Variants in MTA3 observed in about 807,000 individuals in gnomAD.
MTA3 encodes the protein metastasis-associated protein MTA3.
MTA3 carries 34 observed loss-of-function variants against 83.5 expected under a neutral mutation model. That is an observed-to-expected ratio of 0.41 (90% confidence interval 0.31 to 0.54). MTA3 has a LOEUF of 0.54. Among genes scored for constraint, MTA3 ranks in the 20% least tolerant of loss-of-function variants. The probability of loss-of-function intolerance (pLI) is 0.33; values close to 1 mark genes in which losing one functional copy is unlikely to be tolerated. For synonymous variants in MTA3, 303 were observed against 252.7 expected, an observed-to-expected ratio of 1.20 and a Z score of -1.89; for missense variants, 761 against 726.4, an observed-to-expected ratio of 1.05 and a Z score of -0.55.
intron 14 of MTA3, among the ~76,000 whole-genome samples, chr2:42,718,381 G>C (rs1192317528): frequency 6.6e-6 from 1 of 151,728 alleles, no homozygotes. Context: ...CCGAGTAGCT[G>C]GGATTACAGG....
rs963435116 is a variant in MTA3, at chr2:42,673,402, A to G, written c.703-8999A>G. On this transcript the variant is annotated intron_variant, in intron 8 of 16. Coordinates refer to ENST00000405094, the MANE Select transcript of MTA3 (RefSeq NM_001330442.2). ...ATTTTTGCTTTGTTTTGTTTTTTAC[A>G]ATGGGTTTATCAGGGTATTAAATGC... 2.0e-5 allele frequency among the ~76,000 whole-genome samples: 3 copies of G among 152,264 alleles called. No individual in the cohort carries two copies. The East Asian group carries it at 5.8e-4, about 29-fold the overall frequency.
At chr2:42,570,112 A>G (rs1436540381) in intron 1 of MTA3, among the ~76,000 whole-genome samples, 1 of 152,208 alleles carries the variant, frequency 6.6e-6, no homozygotes, top group Non-Finnish European at 1.5e-5. Flanking sequence ...GTTATAGTAC[A>G]GAGGACACAT....
chr2:42,657,763 TAAAAA>T (rs60686385), intron 7 of MTA3, among the ~76,000 whole-genome samples: 23 of 127,492 alleles, frequency 1.8e-4, no homozygotes, highest in Non-Finnish European at 2.6e-4. Flanking sequence ...CCTCATCTCT[TAAAAA>T]AAAAAAAAAA....
intron 16 of MTA3, among the ~76,000 whole-genome samples, chr2:42,739,104 T>C (rs1438706571): frequency 6.6e-6 from 1 of 152,118 alleles, no homozygotes; most frequent in Non-Finnish European, 1.5e-5. Context: ...ATTTGCACAC[T>C]CCCTCCCCTT....
chr2:42,615,708 C>CTT (rs1558503960), intron 4 of MTA3, among the ~76,000 whole-genome samples: 6 of 56,862 alleles, frequency 1.1e-4, no homozygotes, highest in Admixed American at 8.0e-4. Flanking sequence ...TGAATAATCT[C>CTT]TTCTTTTTTT....
chr2:42,506,365 G>A (rs550832202), intron 2 of MTA3, among the ~76,000 whole-genome samples: 129 of 151,804 alleles, frequency 8.5e-4, no homozygotes, highest in African/African-American at 2.9e-3. Flanking sequence ...GAGGTGGGAG[G>A]ATCACTTGAG....
At chr2:42,683,220 G>T (rs1179403188) in intron 9 of MTA3, among the ~76,000 whole-genome samples, 1 of 152,182 alleles carries the variant, frequency 6.6e-6, no homozygotes, top group Non-Finnish European at 1.5e-5. Flanking sequence ...GCGCTAAACA[G>T]TCTGATCTCT....
chr2:42,515,173 C>G (rs1180741529), intron 2 of MTA3, among the ~76,000 whole-genome samples: 2 of 152,000 alleles, frequency 1.3e-5, no homozygotes, highest in East Asian at 3.9e-4. Context: ...ATTCTCCTGC[C>G]TCAGCCTCCT....
At chr2:42,514,144 C>T (rs1228898245) in intron 2 of MTA3, among the ~76,000 whole-genome samples, 3 of 151,888 alleles carry the variant, frequency 2.0e-5, no homozygotes, top group East Asian at 3.9e-4. Flanking sequence ...ACCTGGGAGG[C>T]AGAAGTTGGA....
chr2:42,675,095 A>G (rs1691217029), intron 8 of MTA3, among the ~76,000 whole-genome samples: 1 of 151,756 alleles, frequency 6.6e-6, no homozygotes, highest in Non-Finnish European at 1.5e-5. Flanking sequence ...GCCAACTTTT[A>G]GCTTTTTAAT....
chr2:42,745,993 T>C (rs560283790), intron 16 of MTA3, among the ~76,000 whole-genome samples: 10 of 151,866 alleles, frequency 6.6e-5, no homozygotes, highest in Non-Finnish European at 1.2e-4. Context: ...TTTGTATTTT[T>C]AGTAGAGACG....
chr2:42,508,623 G>A (rs977482806), intron 2 of MTA3, among the ~76,000 whole-genome samples: 10 of 151,820 alleles, frequency 6.6e-5, no homozygotes, highest in Non-Finnish European at 1.0e-4. Flanking sequence ...GTGAGCCACT[G>A]CACCCAGCCT....
chr2:42,726,511 C>T (rs528271912), intron 16 of MTA3, among the ~76,000 whole-genome samples: 23 of 152,198 alleles, frequency 1.5e-4, no homozygotes, highest in African/African-American at 5.3e-4. Flanking sequence ...CCCACTCCCC[C>T]CAACCCACAA....
intron 9 of MTA3, among the ~76,000 whole-genome samples, chr2:42,690,739 A>G (rs1487399519): frequency 6.7e-6 from 1 of 149,306 alleles, no homozygotes; most frequent in Non-Finnish European, 1.5e-5. Context: ...CAGTGGCGCA[A>G]TCTTGGCTCA....
intron 4 of MTA3, among the ~76,000 whole-genome samples, chr2:42,627,111 C>A (rs1201130849): frequency 2.0e-5 from 3 of 152,026 alleles, no homozygotes; most frequent in Non-Finnish European, 4.4e-5. Flanking sequence ...GGATTTCTCT[C>A]TGTTTTCTAG....
At chr2:42,678,544 G>T (rs1231444564) in intron 8 of MTA3, among the ~76,000 whole-genome samples, 2 of 152,052 alleles carry the variant, frequency 1.3e-5, no homozygotes, top group African/African-American at 2.4e-5. Flanking sequence ...GGCCAGGCTG[G>T]TCTCAAACTC....
intron 2 of MTA3, among the ~76,000 whole-genome samples, chr2:42,571,437 A>C (rs559974196): frequency 2.1e-4 from 31 of 150,402 alleles, no homozygotes; most frequent in South Asian, 4.2e-4. Flanking sequence ...GTTATGCACG[A>C]TTCTGAATTC....
At chr2:42,505,244 T>TA (rs1474295166) in intron 2 of MTA3, among the ~76,000 whole-genome samples, 3 of 151,938 alleles carry the variant, frequency 2.0e-5, no homozygotes, top group Non-Finnish European at 2.9e-5. Context: ...TACAAAAAAT[T>TA]AGCCCGGCGT....
intron 2 of MTA3, among the ~76,000 whole-genome samples, chr2:42,552,923 C>A (rs1249231592): frequency 1.3e-5 from 2 of 151,062 alleles, no homozygotes; most frequent in African/African-American, 4.9e-5. Flanking sequence ...CCCCTCCAGC[C>A]TGGGCGACAC....
Sources: gnomAD v4.1 joint callset for allele counts (sites outside exome capture counted in the v4.1 genomes callset) on GRCh38, gnomAD v4.1.1 for gene constraint, MANE v1.5 for transcripts, NCBI Gene and HGNC (gene_info 2026-07-23, HGNC 2026-07-21) for gene names.